The following FAT2 variants were observed in gnomAD, a reference collection of about 807,000 sequenced individuals.
FAT2 encodes FAT atypical cadherin 2.
A neutral mutation model predicts 295.3 loss-of-function variants in FAT2; 150 were observed. The observed-to-expected ratio is 0.51, with a 90% CI of 0.44 to 0.58. The LOEUF is 0.58. Ranked by LOEUF, FAT2 falls within the 20% of genes least tolerant of loss-of-function variation. The pLI, the probability that FAT2 is intolerant of heterozygous loss-of-function variation, is 0.00. For synonymous variants in FAT2, 2,026 were observed against 2,150.3 expected, an observed-to-expected ratio of 0.94 and a Z score of 1.60; for missense variants, 4,868 against 5,442.7, an observed-to-expected ratio of 0.89 and a Z score of 3.32.
chr5:151,532,381 G>T (rs910725017), intron 13 of FAT2, among the ~76,000 whole-genome samples: 15 of 99,032 alleles, frequency 1.5e-4, no homozygotes, highest in African/African-American at 6.9e-4. Flanking sequence ...CTAAGTGTGC[G>T]TGTACAAACA....
chr5:151,566,659 T>C lies in FAT2; in HGVS notation c.2273A>G (p.Asn758Ser). ...GKLVYVIADG[N>S]EEGCFDIELE... ...CTCTATGTCAAAGCAGCCCTCCTCATTGCCATCTGCAATCACATAGACCAG... is the reference window on the plus strand; with the variant it reads ...CTCTATGTCAAAGCAGCCCTCCTCACTGCCATCTGCAATCACATAGACCAG... Residue 758 changes from asparagine (N) to serine (S), a missense_variant, in exon 2 of 24, where the codon AAT (asparagine) becomes AGT (serine). Physicochemically the swap from Asn to Ser is conservative, Grantham distance 46. Coordinates refer to ENST00000261800, the MANE Select transcript of FAT2 (RefSeq NM_001447.3). 1 of 1,614,184 alleles carries C rather than the reference T, an allele frequency of 6.2e-7. No homozygotes were observed. The highest frequency in any genetic ancestry group is 8.5e-7 in the Non-Finnish European group (1 of 1,180,040).
chr5:151,525,665 T>G, intron 18 of FAT2, 103 bp downstream of exon 18: 1 of 1,317,258 alleles, frequency 7.6e-7, no homozygotes, highest in Non-Finnish European at 1.1e-6. Flanking sequence ...GCATCCTAAG[T>G]GCTTTGTACA....
intron 11 of FAT2, among the ~76,000 whole-genome samples, chr5:151,538,969 G>T (rs1755808968): frequency 6.6e-6 from 1 of 151,986 alleles, no homozygotes; most frequent in Admixed American, 6.6e-5. Context: ...TACAGACGTG[G>T]ATGGAAGTTT....
At chr5:151,581,934 C>T (rs6879740) in intron 1 of FAT2, among the ~76,000 whole-genome samples, 63,591 of 152,130 alleles carry the variant, frequency 0.42, 13,745 homozygotes, top group Non-Finnish European at 0.48. Context: ...TTCCCATTTC[C>T]TCTAGCCTGG....
intron 1 of FAT2, among the ~76,000 whole-genome samples, chr5:151,580,758 T>C (rs1262059063): frequency 3.3e-5 from 5 of 152,002 alleles, no homozygotes; most frequent in Non-Finnish European, 7.4e-5. Context: ...GTCAGAAGAG[T>C]ATTGACAGTG....
intron 6 of FAT2, 144 bp from the exon 7 acceptor site, chr5:151,551,750 C>A: frequency 1.5e-6 from 1 of 652,742 alleles, no homozygotes; most frequent in Non-Finnish European, 2.4e-6. Flanking sequence ...AGTTTATTCT[C>A]CCAGGGAGTC....
intron 21 of FAT2, 188 bp from the exon 22 acceptor site, chr5:151,510,362 C>G: frequency 1.7e-6 from 1 of 589,766 alleles, no homozygotes; most frequent in Admixed American, 3.0e-5. Flanking sequence ...GGTCCCTGCC[C>G]TCAAACAGCT....
intron 19 of FAT2, among the ~76,000 whole-genome samples, chr5:151,520,156 T>C (rs1162967905): frequency 1.3e-5 from 2 of 152,170 alleles, no homozygotes; most frequent in African/African-American, 4.8e-5. Context: ...AGAAATGATA[T>C]CCCGAATGCC....
At chr5:151,565,647 A>AGCCCCC in intron 2 of FAT2, 26 bp downstream of exon 2, 2 of 1,461,028 alleles carry the variant, frequency 1.4e-6, no homozygotes, top group Non-Finnish European at 1.9e-6. Context: ...TGGCCCTGGC[A>AGCCCCC]CCCCACCCTA....
Position 151,525,856 on chromosome 5 carries a change from G to A in FAT2, c.10418C>T (p.Ser3473Phe), listed in dbSNP as rs1321419151. 5.0e-6 allele frequency: 8 copies of A among 1,613,982 alleles called. No individual in the cohort carries two copies. Among genetic ancestry groups the A allele is most frequent in the Non-Finnish European group, 6.8e-6 (8 of 1,179,978 alleles). ...TCCATCCGGGGTCACTCGGAAGGCAGAGCCGTTGTTCCCCTTGGTGATTCG... is the reference window on the plus strand; with the variant it reads ...TCCATCCGGGGTCACTCGGAAGGCAAAGCCGTTGTTCCCCTTGGTGATTCG... ...SFRITKGNNG[S>F]AFRVTPDGWL... is the part of the protein sequence containing the mutation. The change falls in exon 18 of 24, where the codon TCT becomes TTT. Residue 3473 changes from serine (S) to phenylalanine (F), a missense_variant. Physicochemically the swap from Ser to Phe is radical, Grantham distance 155. Around this residue, in one of 5 missense-constraint regions of FAT2, gnomAD observed 1,046 missense variants for 1,210.1 expected, o/e 0.86. Coordinates refer to ENST00000261800, the MANE Select transcript of FAT2 (RefSeq NM_001447.3).
intron 1 of FAT2, among the ~76,000 whole-genome samples, chr5:151,588,134 T>C (rs996621065): frequency 2.6e-5 from 4 of 152,108 alleles, no homozygotes; most frequent in Admixed American, 6.5e-5. Flanking sequence ...TGTATGTGTG[T>C]GTGGGTGTAT....
chr5:151,549,164 T>G, intron 9 of FAT2, 131 bp downstream of exon 9: 1 of 782,042 alleles, frequency 1.3e-6, no homozygotes, highest in South Asian at 1.8e-5. Flanking sequence ...CAGGGAATGC[T>G]CTAGAATTAT....
Position 151,542,532 on chromosome 5 carries a change from A to T in FAT2, c.8595T>A (p.Cys2865Ter). The change falls in exon 10 of 24, where the codon TGT (cysteine) becomes TGA (stop). Residue 2865 changes from cysteine (C) to a stop codon, truncating the protein, a stop_gained. Transcript: ENST00000261800. LOFTEE classifies it high-confidence loss of function. ...GWITTLQELD[C>*]ETCQTYHFHV... is the part of the protein sequence containing the mutation. ...GAAAATGATAAGTCTGGCAGGTCTC[A>T]CAGTCAAGTTCCTGGAGTGTGGTGA... 1 of 1,614,230 alleles carries T rather than the reference A, an allele frequency of 6.2e-7. No homozygotes were observed. The highest frequency in any genetic ancestry group is 8.5e-7 in the Non-Finnish European group (1 of 1,180,044).
chr5:151,520,161 A>T (rs1402673265), intron 19 of FAT2, among the ~76,000 whole-genome samples: 2 of 152,214 alleles, frequency 1.3e-5, no homozygotes, highest in Non-Finnish European at 2.9e-5. Flanking sequence ...TGATATCCCG[A>T]ATGCCAGGCA....
intron 12 of FAT2, among the ~76,000 whole-genome samples, chr5:151,535,259 T>C (rs1234995547): frequency 6.6e-6 from 1 of 151,982 alleles, no homozygotes; most frequent in Non-Finnish European, 1.5e-5. Flanking sequence ...TTGGGTGTGT[T>C]ATGTTAGGCC....
intron 4 of FAT2, 135 bp from the exon 5 acceptor site, chr5:151,554,808 T>C (rs1757541252): frequency 2.8e-6 from 2 of 715,644 alleles, no homozygotes; most frequent in South Asian, 1.9e-5. Context: ...CTTCACCTAC[T>C]TGGAACTCAG....
chr5:151,530,602 T>G (rs1754484716), intron 14 of FAT2, among the ~76,000 whole-genome samples: 2 of 152,262 alleles, frequency 1.3e-5, no homozygotes, highest in Non-Finnish European at 2.9e-5. Flanking sequence ...TTGGGGATAC[T>G]AACAAACCAG....
intron 3 of FAT2, among the ~76,000 whole-genome samples, chr5:151,557,162 G>C (rs561640113): frequency 1.3e-5 from 2 of 152,234 alleles, no homozygotes; most frequent in African/African-American, 4.8e-5. Flanking sequence ...ATGCAGTTTT[G>C]GTTCCTCGTC....
chr5:151,515,261 A>G (rs749455506), intron 20 of FAT2, among the ~76,000 whole-genome samples: 1 of 152,096 alleles, frequency 6.6e-6, no homozygotes, highest in Admixed American at 6.5e-5. Context: ...CCGGTTACTC[A>G]TGTTCAGTCT....
Sources: gnomAD v4.1 joint callset for allele counts (sites outside exome capture counted in the v4.1 genomes callset) on GRCh38, gnomAD v4.1.1 for gene constraint, gnomAD v4.1.1 regional missense constraint, MANE v1.5 for transcripts, NCBI Gene and HGNC (gene_info 2026-07-23, HGNC 2026-07-21) for gene names.